The following PALS1 variants were observed in gnomAD, a reference collection of about 807,000 sequenced individuals.
PALS1 encodes the protein protein associated with LIN7 1, MAGUK p55 family member, also known as protein PALS1.
A neutral mutation model predicts 78.9 loss-of-function variants in PALS1; 31 were observed. The ratio of observed to expected loss-of-function variants is 0.39; its 90% CI spans 0.30 to 0.53. PALS1 has a LOEUF of 0.53. Among genes scored for constraint, PALS1 ranks in the 20% least tolerant of loss-of-function variants. PALS1 has a pLI of 0.67. For missense variants in PALS1, 704 were observed against 826.5 expected, an observed-to-expected ratio of 0.85 and a Z score of 1.82; for synonymous variants, 276 against 270.9, an observed-to-expected ratio of 1.02 and a Z score of -0.18.
rs186251639 is a variant in PALS1 at position 67,266,372 on chromosome 14, C to T, written c.-236-3329C>T. On this transcript the variant is annotated intron_variant, in intron 1 of 14. Transcript: ENST00000261681. ...GAGGAGTCTCACTCTGTTGCCCAGT[C>T]TGAAGTGCAGTGGCGTGATCTCAGC... Among the ~76,000 whole-genome samples, 14 of 152,210 alleles carry T rather than the reference C, an allele frequency of 9.2e-5. No homozygotes were observed. In the East Asian group the frequency reaches 2.3e-3, roughly 25 times the overall value.
intron 4 of PALS1, among the ~76,000 whole-genome samples, chr14:67,300,250 TG>T (rs1394056612): frequency 6.6e-6 from 1 of 152,054 alleles, no homozygotes; most frequent in African/African-American, 2.4e-5. Context: ...TATCATCTCT[TG>T]GGTTTCATAG....
chr14:67,323,746 C>A lies in PALS1; in HGVS notation c.1785C>A (p.Ile595=), dbSNP rs775657615. The A allele has an allele frequency of 4.3e-5, 69 of 1,603,462 alleles. 1 individual carries two copies. The Middle Eastern group carries it at 4.9e-4, about 11-fold the overall frequency. Reference sequence around the variant, plus strand: ...ATTCAGATTTGAAACCATATATTATCTTCATTGCACCCCCTTCACAAGAAA... The same window carrying A: ...ATTCAGATTTGAAACCATATATTATATTCATTGCACCCCCTTCACAAGAAA... ...LRNSDLKPYI[I]FIAPPSQERL... The change falls in exon 14 of 15, where the codon ATC becomes ATA. Residue 595 remains isoleucine (I), a synonymous_variant. Transcript: ENST00000261681.
At chr14:67,286,868 A>G (rs968938428) in intron 3 of PALS1, among the ~76,000 whole-genome samples, 12 of 151,042 alleles carry the variant, frequency 7.9e-5, no homozygotes, top group Non-Finnish European at 1.5e-4. Flanking sequence ...AAAAAAAAAA[A>G]AAAAAAGAAA....
In PALS1 at chr14:67,316,920, T is replaced by C; in HGVS notation, c.1297+17T>C. On this transcript the variant is annotated intron_variant, in intron 10 of 14. Coordinates refer to ENST00000261681, the MANE Select transcript of PALS1 (RefSeq NM_022474.4). ...AAAAATCAGGTTAGACACTTGTATT[T>C]GACATAAGTAAATGGTTTCTTGGGT... 6.3e-7 allele frequency: 1 copy of C among 1,596,428 alleles called. No individual in the cohort carries two copies. Among genetic ancestry groups the C allele is most frequent in the East Asian group, 2.2e-5 (1 of 44,618 alleles).
At chr14:67,285,458 C>T (rs1018822614) in intron 3 of PALS1, among the ~76,000 whole-genome samples, 10 of 151,714 alleles carry the variant, frequency 6.6e-5, no homozygotes, top group African/African-American at 2.4e-4. Flanking sequence ...GCTCCACCTC[C>T]CAGGTTCACA....
Position 67,333,720 on chromosome 14 carries a change from T to G in PALS1, c.*764T>G, listed in dbSNP as rs995372934. On this transcript the variant is annotated 3_prime_UTR_variant, in exon 15 of 15. Transcript: ENST00000261681. ...TTTTCTTAAGTCGTCTCAACTGATT[T>G]ACTCACTTAGCTTCCCTTCCCTCAT... 1 of 152,594 alleles carries G rather than the reference T, an allele frequency of 6.6e-6. No homozygotes were observed. Among genetic ancestry groups the G allele is most frequent in the Non-Finnish European group, 1.5e-5 (1 of 68,030 alleles). 9.5% of individuals were successfully genotyped at this position (152,594 alleles called of 1,614,324 possible).
At position 67,272,690 on chromosome 14, in the gene PALS1, G is replaced by T. The variant is rs149737859; in HGVS notation, c.-154+2907G>T. On this transcript the variant is annotated intron_variant, in intron 2 of 14. Transcript: ENST00000261681. ...GCTTTTGTTTTTGAGACAGAGTCTC[G>T]CGCTGTCTCCCAGGCTGGAGCGCAG... Among the ~76,000 whole-genome samples the T allele has an allele frequency of 5.2e-3, 796 of 152,090 alleles. 8 individuals carry two copies. Among genetic ancestry groups the T allele is most frequent in the African/African-American group, 0.018 (753 of 41,486 alleles).
intron 1 of PALS1, among the ~76,000 whole-genome samples, chr14:67,248,276 A>G (rs1031024781): frequency 2.6e-5 from 4 of 152,062 alleles, no homozygotes; most frequent in Admixed American, 2.6e-4. Context: ...GCCCCAGCCA[A>G]TTGGGAGGCT....
chr14:67,312,545 T>G lies in PALS1; in HGVS notation c.1060T>G (p.Phe354Val), dbSNP rs776691962. 3 of 1,586,186 alleles carry G rather than the reference T, an allele frequency of 1.9e-6. No individual in the cohort carries two copies. In the Admixed American group the frequency reaches 5.2e-5, roughly 27 times the overall value. ...CTTTTAGATCCATGTAAAAGCTCATTTTGACTATGACCCCTCAGATGACCC... is the reference window on the plus strand; with the variant it reads ...CTTTTAGATCCATGTAAAAGCTCATGTTGACTATGACCCCTCAGATGACCC... Reference protein sequence around the residue: ...KETVIHVKAHFDYDPSDDPYV... With the variant: ...KETVIHVKAHVDYDPSDDPYV... Residue 354 changes from phenylalanine (F) to valine (V), a missense_variant, in exon 9 of 15, where the codon TTT becomes GTT. Physicochemically the swap from Phe to Val is conservative, Grantham distance 50. Transcript: ENST00000261681.
At chr14:67,281,140 G>C (rs564610918) in intron 3 of PALS1, among the ~76,000 whole-genome samples, 5 of 151,798 alleles carry the variant, frequency 3.3e-5, no homozygotes, top group Non-Finnish European at 7.4e-5. Context: ...CTCATGATCT[G>C]CCCTCCTTGA....
At chr14:67,330,895 A>G (rs932466775) in intron 14 of PALS1, among the ~76,000 whole-genome samples, 6 of 152,246 alleles carry the variant, frequency 3.9e-5, no homozygotes, top group South Asian at 2.1e-4. Context: ...GTCTTTTCAA[A>G]TTTGTTGAGC....
At chr14:67,307,274 G>A (rs1247987106) in intron 8 of PALS1, among the ~76,000 whole-genome samples, 1 of 151,568 alleles carries the variant, frequency 6.6e-6, no homozygotes, top group Non-Finnish European at 1.5e-5. Flanking sequence ...GGATTTCCCA[G>A]ACTAGTTTGT....
intron 2 of PALS1, among the ~76,000 whole-genome samples, chr14:67,276,117 T>A (rs1013941673): frequency 1.3e-5 from 2 of 152,220 alleles, no homozygotes; most frequent in African/African-American, 4.8e-5. Flanking sequence ...CTCTATCCAA[T>A]AGGAGTGATA....
intron 3 of PALS1, among the ~76,000 whole-genome samples, chr14:67,280,890 CT>C (rs2084599684): frequency 3.3e-5 from 3 of 92,124 alleles, no homozygotes; most frequent in African/African-American, 1.4e-4. Context: ...CCTTTTCTTT[CT>C]TTTCTTTCTT....
At chr14:67,273,792 C>T (rs926444106) in intron 2 of PALS1, among the ~76,000 whole-genome samples, 7 of 152,092 alleles carry the variant, frequency 4.6e-5, no homozygotes, top group South Asian at 4.2e-4. Flanking sequence ...CTGTTGTTTC[C>T]GACTTTTTAA....
chr14:67,318,408 A>G (rs1014179900), intron 11 of PALS1, among the ~76,000 whole-genome samples: 4 of 152,174 alleles, frequency 2.6e-5, no homozygotes, highest in Non-Finnish European at 1.5e-5. Context: ...TTTATCCTCT[A>G]TATTTGTGAT....
chr14:67,252,648 G>C (rs570782921), intron 1 of PALS1, among the ~76,000 whole-genome samples: 8 of 152,168 alleles, frequency 5.3e-5, no homozygotes, highest in Non-Finnish European at 1.0e-4. Context: ...TGAATTGTAG[G>C]ACACCCAGTC....
chr14:67,279,686 G>C (rs965679938), intron 3 of PALS1, 149 bp downstream of exon 3: 1 of 699,672 alleles, frequency 1.4e-6, no homozygotes, highest in Non-Finnish European at 2.2e-6. Context: ...TGGAAACGCC[G>C]TATAACTATT....
rs2085109808 is a variant in PALS1, at chr14:67,312,679, A to C, written c.1194A>C (p.Glu398Asp). Residue 398 changes from glutamate to aspartate, a missense_variant, in exon 9 of 15, where the codon GAA becomes GAC. Coordinates refer to ENST00000261681, the MANE Select transcript of PALS1 (RefSeq NM_022474.4). ...NWWQAYREGD[E>D]DNQPLAGLVP... is the part of the protein sequence containing the mutation. ...GGCAGGCCTACAGGGAAGGGGACGA[A>C]GATAATCAACCTCTAGCCGGGCTTG... 6.2e-7 allele frequency: 1 copy of C among 1,611,680 alleles called. No homozygotes were observed. Among genetic ancestry groups the C allele is most frequent in the African/African-American group, 1.3e-5 (1 of 74,892 alleles).
Sources: gnomAD v4.1 joint callset for allele counts (sites outside exome capture counted in the v4.1 genomes callset) on GRCh38, gnomAD v4.1.1 for gene constraint, MANE v1.5 for transcripts, NCBI Gene and HGNC (gene_info 2026-07-23, HGNC 2026-07-21) for gene names.